The following TYW1 variants were observed in gnomAD, a reference collection of about 807,000 sequenced individuals.
TYW1 encodes S-adenosyl-L-methionine-dependent tRNA 4-demethylwyosine synthase TYW1.
TYW1 carries 46 observed loss-of-function variants against 96.2 expected under a neutral mutation model. That is an observed-to-expected ratio of 0.48 (90% CI 0.38 to 0.61). TYW1 has a LOEUF of 0.61. TYW1 is among the 20% of genes least tolerant of loss of function. The pLI, the probability that TYW1 is intolerant of heterozygous loss-of-function variation, is 0.00. For missense variants in TYW1, 684 were observed against 909.6 expected, an observed-to-expected ratio of 0.75 and a Z score of 3.19; for synonymous variants, 274 against 323.0, an observed-to-expected ratio of 0.85 and a Z score of 1.63.
intron 9 of TYW1, among the ~76,000 whole-genome samples, chr7:67,058,166 C>T (rs1334302687): frequency 6.6e-6 from 1 of 152,092 alleles, no homozygotes; most frequent in Non-Finnish European, 1.5e-5. Context: ...AATCTCCTGA[C>T]CTCGTGATCT....
At chr7:67,016,266 G>T (rs549861350) in intron 5 of TYW1, among the ~76,000 whole-genome samples, 31 of 137,930 alleles carry the variant, frequency 2.2e-4, no homozygotes, top group African/African-American at 8.0e-4. Context: ...AGCTGTTTAC[G>T]GCCGGGCGCA....
intron 12 of TYW1, among the ~76,000 whole-genome samples, chr7:67,101,361 G>A (rs931896878): frequency 1.3e-5 from 2 of 152,082 alleles, no homozygotes; most frequent in African/African-American, 4.8e-5. Context: ...TATAAAGGGA[G>A]GTGGAACTTG....
At chr7:67,101,273 A>G (rs1797081167) in intron 12 of TYW1, among the ~76,000 whole-genome samples, 1 of 152,070 alleles carries the variant, frequency 6.6e-6, no homozygotes, top group Non-Finnish European at 1.5e-5. Context: ...TCTGTGCCCC[A>G]GGAGTCTTAT....
intron 15 of TYW1, among the ~76,000 whole-genome samples, chr7:67,203,347 C>T (rs1328187179): frequency 1.4e-4 from 22 of 152,196 alleles, no homozygotes; most frequent in Non-Finnish European, 3.1e-4. Context: ...TTCTTATAGG[C>T]AACATACAGT....
At chr7:67,091,055 C>G (rs1796700032) in intron 11 of TYW1, among the ~76,000 whole-genome samples, 1 of 152,138 alleles carries the variant, frequency 6.6e-6, no homozygotes. Context: ...CCAGCCATCC[C>G]ATTACTGGGT....
chr7:67,077,417 G>T (rs1386761306), intron 10 of TYW1, among the ~76,000 whole-genome samples: 10 of 152,112 alleles, frequency 6.6e-5, no homozygotes, highest in Admixed American at 1.3e-4. Flanking sequence ...GTTATTATTT[G>T]ATAATAGTCA....
At chr7:67,176,843 G>T (rs1169473453) in intron 13 of TYW1, among the ~76,000 whole-genome samples, 1 of 152,056 alleles carries the variant, frequency 6.6e-6, no homozygotes, top group Non-Finnish European at 1.5e-5. Context: ...TAGGAAAAGG[G>T]TTGGGGAGAC....
At chr7:67,223,917 G>A (rs2116426175) in intron 15 of TYW1, among the ~76,000 whole-genome samples, 1 of 151,844 alleles carries the variant, frequency 6.6e-6, no homozygotes, top group South Asian at 2.1e-4. Flanking sequence ...GACAAATTCT[G>A]CCAGTGTAAT....
intron 11 of TYW1, among the ~76,000 whole-genome samples, chr7:67,093,765 G>C (rs1033715405): frequency 2.0e-5 from 3 of 152,192 alleles, no homozygotes; most frequent in African/African-American, 7.2e-5. Context: ...CATAAAAGAA[G>C]ACATCACCTG....
Position 67,003,330 on chromosome 7 carries a change from G to T in TYW1, c.273+4376G>T, listed in dbSNP as rs148292081. Among the ~76,000 whole-genome samples the T allele has an allele frequency of 2.2e-3, 330 of 152,072 alleles. 1 individual carries two copies. The highest frequency in any genetic ancestry group is 7.2e-3 in the African/African-American group (300 of 41,470). ...ACAACCCATGTCCAGTCTGTCAGCA[G>T]ATTCTGTTTGTTCTACTTTAAGAAT... On this transcript the variant is annotated intron_variant, in intron 3 of 15. Transcript: ENST00000359626.
chr7:67,031,192 CAAAA>C (rs60531853), intron 7 of TYW1, among the ~76,000 whole-genome samples: 1 of 107,846 alleles, frequency 9.3e-6, no homozygotes, highest in East Asian at 3.0e-4. Flanking sequence ...GACTCCATCT[CAAAA>C]AAAAAAAAAA....
At chr7:67,116,442 T>G (rs1411426246) in intron 12 of TYW1, among the ~76,000 whole-genome samples, 1 of 151,966 alleles carries the variant, frequency 6.6e-6, no homozygotes, top group South Asian at 2.1e-4. Flanking sequence ...TTCTAACAGT[T>G]TGGGAGGCTG....
At chr7:67,228,979 T>TG (rs1268853267) in intron 15 of TYW1, among the ~76,000 whole-genome samples, 1 of 152,216 alleles carries the variant, frequency 6.6e-6, no homozygotes, top group Non-Finnish European at 1.5e-5. Context: ...GTTCATGTAA[T>TG]GGGAGGAGAA....
At chr7:67,059,584 C>T (rs1795633273) in intron 9 of TYW1, among the ~76,000 whole-genome samples, 2 of 148,158 alleles carry the variant, frequency 1.3e-5, no homozygotes, top group Non-Finnish European at 3.0e-5. Flanking sequence ...AGCCTTTGTG[C>T]AAGGTTGTGG....
chr7:67,157,187 A>G (rs1045494460), intron 13 of TYW1, among the ~76,000 whole-genome samples: 4 of 152,132 alleles, frequency 2.6e-5, no homozygotes, highest in African/African-American at 4.8e-5. Context: ...ATAGTACAGA[A>G]TTCCCATGCA....
At chr7:67,064,888 A>C in intron 9 of TYW1, among the ~76,000 whole-genome samples, 1 of 152,262 alleles carries the variant, frequency 6.6e-6, no homozygotes, top group Non-Finnish European at 1.5e-5. Flanking sequence ...GCTCCCCGCA[A>C]CAAATTCCGA....
Position 67,020,623 on chromosome 7 carries a change from G to T in TYW1, c.861+2480G>T, listed in dbSNP as rs150988729. 2.4e-4 allele frequency among the ~76,000 whole-genome samples: 37 copies of T among 151,986 alleles called. No homozygotes were observed. The East Asian group carries it at 7.2e-3, about 29-fold the overall frequency. Reference sequence around the variant, plus strand: ...TTGCTGCTGCTTTCATAAAAACTTCGTTGCTTAGTGTGACCTTAGCACCTA... The same window carrying T: ...TTGCTGCTGCTTTCATAAAAACTTCTTTGCTTAGTGTGACCTTAGCACCTA... On this transcript the variant is annotated intron_variant, in intron 6 of 15. Coordinates refer to ENST00000359626, the MANE Select transcript of TYW1 (RefSeq NM_018264.4).
At chr7:67,234,937 T>A (rs1801837939) in intron 15 of TYW1, among the ~76,000 whole-genome samples, 1 of 134,862 alleles carries the variant, frequency 7.4e-6, no homozygotes, top group African/African-American at 2.9e-5. Flanking sequence ...TAAAGTATAT[T>A]TTTGACTGTA....
At chr7:67,139,728 GGTGT>G (rs55993805) in intron 13 of TYW1, among the ~76,000 whole-genome samples, 13,902 of 138,360 alleles carry the variant, frequency 0.1, 704 homozygotes, top group East Asian at 0.22. Flanking sequence ...TGTGTATACA[GGTGT>G]GTGTGTGTGT....
Sources: gnomAD v4.1 joint callset for allele counts (sites outside exome capture counted in the v4.1 genomes callset) on GRCh38, gnomAD v4.1.1 for gene constraint, MANE v1.5 for transcripts, NCBI Gene and HGNC (gene_info 2026-07-23, HGNC 2026-07-21) for gene names.